MSH3: variants seen among roughly 807,000 people sequenced by gnomAD.
The protein encoded by MSH3 is DNA mismatch repair protein Msh3.
A neutral mutation model predicts 123.3 loss-of-function variants in MSH3; 106 were observed. That is an observed-to-expected ratio of 0.86 (90% confidence interval 0.73 to 1.01). MSH3 has a LOEUF of 1.01. Among genes scored for constraint, MSH3 ranks in the 50% least tolerant of loss-of-function variants. The pLI is 0.00. For synonymous variants in MSH3, 515 were observed against 481.4 expected, an observed-to-expected ratio of 1.07 and a Z score of -0.91; for missense variants, 1,459 against 1,347.6, an observed-to-expected ratio of 1.08 and a Z score of -1.29.
intron 8 of MSH3, among the ~76,000 whole-genome samples, chr5:80,718,824 T>A (rs1751016548): frequency 6.6e-6 from 1 of 152,180 alleles, no homozygotes. Context: ...TATTTTGGCT[T>A]CATTGCAGTT....
At position 80,790,880 on chromosome 5, in the gene MSH3, T is replaced by C. The variant is rs115000677; in HGVS notation, c.2544-1853T>C. ...CCAGTGCCCTGCATATTCATGGTGA[T>C]GGTGAAATTTCATGTATCAGCAAAA... On this transcript the variant is annotated intron_variant, in intron 18 of 23. Transcript: ENST00000265081. 8.3e-3 allele frequency among the ~76,000 whole-genome samples: 1,271 copies of C among 152,320 alleles called. 18 individuals carry two copies. The highest frequency in any genetic ancestry group is 0.028 in the African/African-American group (1,168 of 41,560).
chr5:80,873,224 G>A lies in MSH3; in HGVS notation c.3239G>A (p.Gly1080Glu), dbSNP rs751078695. The change falls in exon 23 of 24, where the codon GGA (glycine) becomes GAA (glutamate). Residue 1080 changes from glycine to glutamate, a missense_variant. Gly to Glu is a moderately conservative substitution (Grantham distance 98). Coordinates refer to ENST00000265081, the MANE Select transcript of MSH3 (RefSeq NM_002439.5). ...GTGGCTAAACTAGCAGATGTTCCTG[G>A]AGAAATTTTGAAGAAAGCAGCTCAC... ...LNVAKLADVP[G>E]EILKKAAHKS... 4 of 1,613,982 alleles carry A rather than the reference G, an allele frequency of 2.5e-6. No homozygotes were observed. Among genetic ancestry groups the A allele is most frequent in the Non-Finnish European group, 3.4e-6 (4 of 1,179,952 alleles).
intron 10 of MSH3, among the ~76,000 whole-genome samples, chr5:80,731,104 A>G (rs1266281181): frequency 4.6e-5 from 7 of 151,630 alleles, no homozygotes; most frequent in Non-Finnish European, 8.8e-5. Context: ...GGGTTTCACC[A>G]TGTTGGCCAG....
At chr5:80,867,009 G>A (rs1455049320) in intron 22 of MSH3, among the ~76,000 whole-genome samples, 2 of 152,108 alleles carry the variant, frequency 1.3e-5, no homozygotes, top group Non-Finnish European at 2.9e-5. Context: ...CCTTCCTCCT[G>A]GAGCCCTTTG....
chr5:80,726,956 C>T (rs1182429768), intron 9 of MSH3, among the ~76,000 whole-genome samples: 1 of 152,216 alleles, frequency 6.6e-6, no homozygotes, highest in East Asian at 1.9e-4. Flanking sequence ...ATAGTCCTCA[C>T]AGCAGACTTT....
At chr5:80,693,608 TATACACACACACATATACACAC>T (rs1385339930) in intron 8 of MSH3, among the ~76,000 whole-genome samples, 6 of 132,630 alleles carry the variant, frequency 4.5e-5, no homozygotes, top group African/African-American at 1.8e-4. Flanking sequence ...AACATACATA[TATACACACACACATATACACAC>T]ACACACACAC....
chr5:80,700,702 T>G (rs1318891292), intron 8 of MSH3, among the ~76,000 whole-genome samples: 2 of 152,132 alleles, frequency 1.3e-5, no homozygotes, highest in Non-Finnish European at 2.9e-5. Flanking sequence ...TTGCCATGAG[T>G]TTATTTAAAG....
chr5:80,671,222 A>G (rs564064520), intron 4 of MSH3, among the ~76,000 whole-genome samples: 74 of 152,300 alleles, frequency 4.9e-4, no homozygotes, highest in Non-Finnish European at 9.1e-4. Flanking sequence ...TCATAGGCAA[A>G]CTTAGGGAAA....
intron 8 of MSH3, among the ~76,000 whole-genome samples, chr5:80,723,953 G>A (rs1330963416): frequency 6.6e-6 from 1 of 151,932 alleles, no homozygotes; most frequent in Non-Finnish European, 1.5e-5. Context: ...TGTAGAGAGA[G>A]CCATGTTGCC....
intron 20 of MSH3, among the ~76,000 whole-genome samples, chr5:80,852,474 A>G (rs1745846656): frequency 6.6e-6 from 1 of 152,236 alleles, no homozygotes; most frequent in East Asian, 1.9e-4. Context: ...TCCTGCCACA[A>G]TAAAGGCAAA....
chr5:80,761,604 T>G lies in MSH3; in HGVS notation c.1822T>G (p.Phe608Val), dbSNP rs1580027554. The change falls in exon 13 of 24, where the codon TTT becomes GTT. Residue 608 changes from phenylalanine to valine, a missense_variant. Transcript: ENST00000265081. ...AGTTCTCCATTCAGAATCTAGTGTG[T>G]TTGGTCAGATAGAAAATCATCTACG... The part of the protein sequence containing the change: ...SEVLHSESSV[F>V]GQIENHLRKL... 1 of 1,614,126 alleles carries G rather than the reference T, an allele frequency of 6.2e-7. No homozygotes were observed. Among genetic ancestry groups the G allele is most frequent in the Non-Finnish European group, 8.5e-7 (1 of 1,179,998 alleles).
intron 8 of MSH3, among the ~76,000 whole-genome samples, chr5:80,697,961 A>G (rs1423080390): frequency 6.6e-6 from 1 of 152,064 alleles, no homozygotes. Flanking sequence ...AGGCTGGAGT[A>G]TGGTGGCACC....
chr5:80,696,803 C>G (rs577853646), intron 8 of MSH3, among the ~76,000 whole-genome samples: 6 of 152,084 alleles, frequency 3.9e-5, no homozygotes, highest in Non-Finnish European at 8.8e-5. Flanking sequence ...TTATTTTGAT[C>G]TAATTATAAT....
At chr5:80,838,153 G>C (rs148225602) in intron 20 of MSH3, among the ~76,000 whole-genome samples, 1 of 152,250 alleles carries the variant, frequency 6.6e-6, no homozygotes, top group Non-Finnish European at 1.5e-5. Context: ...GCAAGTTACA[G>C]GTCCCACTCA....
Position 80,750,078 on chromosome 5 carries a change from A to AGTGTGTGTGTGTGTGTGTGTGTGTGT in MSH3, c.1763+5472_1763+5497dup, listed in dbSNP as rs57762095. Reference sequence around the variant, plus strand: ...TTTTTAAGGCTGAATAGTATTCCAGAGTGTGTGTGTGTGTGTGTGTGTGTG... The same window carrying AGTGTGTGTGTGTGTGTGTGTGTGTGT: ...TTTTTAAGGCTGAATAGTATTCCAGAGTGTGTGTGTGTGTGTGTGTGTGTGTGTGTGTGTGTGTGTGTGTGTGTGTG... On this transcript the variant is annotated intron_variant, in intron 12 of 23. Transcript: ENST00000265081. Among the ~76,000 whole-genome samples the AGTGTGTGTGTGTGTGTGTGTGTGTGT allele has an allele frequency of 5.5e-4, 74 of 134,258 alleles. 1 individual carries two copies. The highest frequency in any genetic ancestry group is 3.7e-3 in the Middle Eastern group (1 of 268). The allele number at this position is 134,258 out of a possible 152,430, so 88.1% of individuals were successfully genotyped here. A position where few individuals can be genotyped will look rare whatever the true frequency, so the allele number is the denominator to read the frequency against.
intron 11 of MSH3, among the ~76,000 whole-genome samples, chr5:80,743,562 CGGCCGGGCGCGGTGG>C (rs1743656316): frequency 2.8e-5 from 2 of 71,778 alleles, no homozygotes; most frequent in Non-Finnish European, 5.7e-5. Flanking sequence ...TAAAAAAACC[CGGCCGGGCGCGGTGG>C]CTCACGCCTG....
intron 19 of MSH3, among the ~76,000 whole-genome samples, chr5:80,805,514 A>G (rs949993887): frequency 2.6e-5 from 4 of 151,616 alleles, no homozygotes; most frequent in African/African-American, 9.7e-5. Flanking sequence ...ATGATTAGGA[A>G]TGTATGTTTT....
intron 20 of MSH3, among the ~76,000 whole-genome samples, chr5:80,841,080 G>A (rs1467541121): frequency 1.0e-4 from 15 of 143,368 alleles, no homozygotes; most frequent in Middle Eastern, 3.5e-3. Context: ...GACAGACCCC[G>A]GTGTGTGATG....
intron 7 of MSH3, among the ~76,000 whole-genome samples, chr5:80,678,070 A>G (rs571460330): frequency 3.9e-5 from 6 of 152,336 alleles, no homozygotes; most frequent in Non-Finnish European, 8.8e-5. Context: ...CTGTTGTCAG[A>G]AGTGGCTTTC....
Sources: gnomAD v4.1 joint callset for allele counts (sites outside exome capture counted in the v4.1 genomes callset) on GRCh38, gnomAD v4.1.1 for gene constraint, MANE v1.5 for transcripts, NCBI Gene and HGNC (gene_info 2026-07-23, HGNC 2026-07-21) for gene names.